Variants in ADAMTS3 observed in about 807,000 individuals in gnomAD.
ADAMTS3 encodes ADAM metallopeptidase with thrombospondin type 1 motif 3.
In ADAMTS3, 73 loss-of-function variants were observed where a neutral mutation model predicts 129.0. The ratio of observed to expected loss-of-function variants is 0.57; its 90% CI spans 0.47 to 0.69. The LOEUF is 0.69. ADAMTS3 is among the 30% of genes least tolerant of loss of function. ADAMTS3 has a pLI of 0.00. For missense variants in ADAMTS3, 1,457 were observed against 1,514.5 expected (o/e 0.96, Z 0.63); for synonymous variants, 477 against 510.8 (o/e 0.93, Z 0.89).
chr4:72,475,661 C>T (rs1265205007), intron 3 of ADAMTS3, among the ~76,000 whole-genome samples: 4 of 151,344 alleles, frequency 2.6e-5, no homozygotes, highest in African/African-American at 9.7e-5. Context: ...AAGATCCAGT[C>T]AATATTTATA....
At chr4:72,289,092 A>G (rs562492405) in intron 20 of ADAMTS3, among the ~76,000 whole-genome samples, 1 of 152,212 alleles carries the variant, frequency 6.6e-6, no homozygotes, top group Non-Finnish European at 1.5e-5. Context: ...TGTTTTTTCT[A>G]CATAAGATTC....
At chr4:72,449,016 T>C (rs1039948327) in intron 3 of ADAMTS3, among the ~76,000 whole-genome samples, 4 of 151,698 alleles carry the variant, frequency 2.6e-5, no homozygotes, top group African/African-American at 9.7e-5. Flanking sequence ...TCTACCTTTG[T>C]CTCACTCTTG....
chr4:72,286,030 T>G (rs1341966408), intron 21 of ADAMTS3, among the ~76,000 whole-genome samples: 2 of 152,232 alleles, frequency 1.3e-5, no homozygotes, highest in East Asian at 3.8e-4. Context: ...CTCTTAGGAT[T>G]GCCCTTTGGG....
In ADAMTS3 at chr4:72,315,088, A is replaced by G. The variant is rs573161536; in HGVS notation, c.1599+770T>C. Among the ~76,000 whole-genome samples, 61 of 152,330 alleles carry G rather than the reference A, an allele frequency of 4.0e-4. 1 individual carries two copies. In the South Asian group the frequency reaches 0.013, roughly 32 times the overall value. Reference sequence around the variant, plus strand: ...CTCTGGGCATCCTTCCCTAAGGAACAAGGCCAAATCTTCTGTATAAGTTCA... The same window carrying G: ...CTCTGGGCATCCTTCCCTAAGGAACGAGGCCAAATCTTCTGTATAAGTTCA... On this transcript the variant is annotated intron_variant, in intron 11 of 21. Transcript: ENST00000286657.
intron 3 of ADAMTS3, among the ~76,000 whole-genome samples, chr4:72,503,056 C>T (rs185930729): frequency 1.3e-5 from 2 of 152,208 alleles, no homozygotes; most frequent in Non-Finnish European, 2.9e-5. Context: ...TGGAGTCTCA[C>T]TCTGTTGCCC....
At chr4:72,342,481 A>G (rs1330337002) in intron 4 of ADAMTS3, among the ~76,000 whole-genome samples, 1 of 151,480 alleles carries the variant, frequency 6.6e-6, no homozygotes, top group African/African-American at 2.4e-5. Flanking sequence ...CTTGTGCCTC[A>G]ACCTCCCGAG....
At chr4:72,522,483 G>C (rs745311261) in intron 3 of ADAMTS3, among the ~76,000 whole-genome samples, 3 of 152,106 alleles carry the variant, frequency 2.0e-5, no homozygotes, top group Admixed American at 6.6e-5. Flanking sequence ...CACATTCACA[G>C]AAAGAACAGT....
chr4:72,520,002 A>C (rs1311971372), intron 3 of ADAMTS3, among the ~76,000 whole-genome samples: 1 of 151,986 alleles, frequency 6.6e-6, no homozygotes, highest in Non-Finnish European at 1.5e-5. Flanking sequence ...ATGGTGATGT[A>C]CAGATGGGTT....
chr4:72,442,182 T>A (rs1264996207), intron 3 of ADAMTS3: 1 of 151,816 alleles, frequency 6.6e-6, no homozygotes, highest in Non-Finnish European at 1.5e-5. Context: ...CTTCTCCATG[T>A]GGCTAGAGTG....
chr4:72,529,456 C>T (rs1466827506), intron 3 of ADAMTS3, among the ~76,000 whole-genome samples: 1 of 151,116 alleles, frequency 6.6e-6, no homozygotes, highest in East Asian at 1.9e-4. Context: ...TTGAAGAGAA[C>T]AGTAATTCTC....
chr4:72,402,329 C>G (rs954338946), intron 4 of ADAMTS3, among the ~76,000 whole-genome samples: 1 of 152,080 alleles, frequency 6.6e-6, no homozygotes, highest in Non-Finnish European at 1.5e-5. Context: ...GGTTTTAATG[C>G]CAATCTTTAC....
chr4:72,344,509 T>A (rs1720227311), intron 4 of ADAMTS3, among the ~76,000 whole-genome samples: 1 of 152,200 alleles, frequency 6.6e-6, no homozygotes, highest in South Asian at 2.1e-4. Flanking sequence ...AGGAGCAGAA[T>A]GTTAATTTTA....
At chr4:72,550,035 AAG>A (rs1721591176) in intron 2 of ADAMTS3, among the ~76,000 whole-genome samples, 1 of 11,212 alleles carries the variant, frequency 8.9e-5, no homozygotes, top group African/African-American at 3.9e-4. Context: ...GAAGAAGAAG[AAG>A]AAGAAGAGGA....
At chr4:72,525,626 TTGTC>T (rs1720786411) in intron 3 of ADAMTS3, among the ~76,000 whole-genome samples, 2 of 152,150 alleles carry the variant, frequency 1.3e-5, no homozygotes, top group South Asian at 4.1e-4. Flanking sequence ...TGTATGGTCT[TTGTC>T]TTTTGTTTCT....
chr4:72,380,791 T>C (rs542332040), intron 4 of ADAMTS3, among the ~76,000 whole-genome samples: 91 of 152,252 alleles, frequency 6.0e-4, no homozygotes, highest in Admixed American at 1.4e-3. Flanking sequence ...TAAAAAAATG[T>C]GTAGCAGAGA....
chr4:72,302,493 G>A (rs1386227559), intron 17 of ADAMTS3, among the ~76,000 whole-genome samples: 1 of 152,032 alleles, frequency 6.6e-6, no homozygotes, highest in Non-Finnish European at 1.5e-5. Flanking sequence ...AACAGAGCCT[G>A]AGACTTGTAG....
In ADAMTS3 at chr4:72,319,423, T is replaced by C. The variant is rs772556489; in HGVS notation, c.1261A>G (p.Met421Val). ...ACCAAGGGAGCCATGACACTTCCCA[T>C]AGCAGTCTCATCACCACACCTGTTG... Reference protein sequence around the residue: ...QGNRCGDETAMGSVMAPLVQA... With the variant: ...QGNRCGDETAVGSVMAPLVQA... Residue 421 changes from methionine to valine, a missense_variant, in exon 9 of 22, where the codon ATG becomes GTG. Physicochemically the swap from Met to Val is conservative, Grantham distance 21. Transcript: ENST00000286657. 17 of 1,613,832 alleles carry C rather than the reference T, an allele frequency of 1.1e-5. 1 individual carries two copies. Among genetic ancestry groups the C allele is most frequent in the South Asian group, 5.5e-5 (5 of 91,088 alleles).
chr4:72,512,443 G>A (rs1348232736), intron 3 of ADAMTS3, among the ~76,000 whole-genome samples: 4 of 152,184 alleles, frequency 2.6e-5, no homozygotes, highest in Non-Finnish European at 5.9e-5. Context: ...AGTCAGCCAA[G>A]AGGGCACCAC....
rs1271576304 is a variant in ADAMTS3 at position 72,298,318 on chromosome 4, G to A, written c.2549C>T (p.Ala850Val). 1 of 1,613,052 alleles carries A rather than the reference G, an allele frequency of 6.2e-7. No homozygotes were observed. Among genetic ancestry groups the A allele is most frequent in the South Asian group, 1.1e-5 (1 of 91,032 alleles). The change falls in exon 18 of 22, where the codon GCT (alanine) becomes GTT (valine). Residue 850 changes from alanine to valine, a missense_variant. Coordinates refer to ENST00000286657, the MANE Select transcript of ADAMTS3 (RefSeq NM_014243.3). ...GGAACACTGAGACCAGCTCTTCAAA[G>A]CCCACTCAAAAGTATCTAATTCTTC... Reference protein sequence around the residue: ...IQEELDTFEWALKSWSQCSKP... With the variant: ...IQEELDTFEWVLKSWSQCSKP...
Sources: allele counts gnomAD v4.1 joint callset (sites outside exome capture counted in the v4.1 genomes callset), GRCh38; gene constraint gnomAD v4.1.1; transcripts MANE v1.5; gene names NCBI Gene and HGNC (gene_info 2026-07-23, HGNC 2026-07-21).